The following ERC1 variants were observed in gnomAD, a reference collection of about 807,000 sequenced individuals.
ERC1 encodes ELKS/RAB6-interacting/CAST family member 1, also known as RAB6 interacting protein 2.
Under a neutral mutation model 132.0 loss-of-function variants are expected in ERC1, and 56 were observed. That is an observed-to-expected ratio of 0.42 (90% confidence interval 0.34 to 0.53). The LOEUF (loss-of-function observed/expected upper bound fraction) is 0.53, where lower values mean the gene tolerates loss of function less well. Ranked by LOEUF, ERC1 falls within the 20% of genes least tolerant of loss-of-function variation. The probability of loss-of-function intolerance (pLI) is 0.03; values close to 1 mark genes in which losing one functional copy is unlikely to be tolerated. For synonymous variants in ERC1, 478 were observed against 476.1 expected (o/e 1.00, Z -0.05); for missense variants, 1,202 against 1,349.9 (o/e 0.89, Z 1.72).
intron 17 of ERC1, among the ~76,000 whole-genome samples, chr12:1,425,224 G>A (rs760923371): frequency 2.6e-5 from 4 of 152,142 alleles, no homozygotes; most frequent in African/African-American, 4.8e-5. Context: ...CATAATTTTA[G>A]TAGGCACTTA....
intron 2 of ERC1, among the ~76,000 whole-genome samples, chr12:1,041,345 C>T (rs1035984598): frequency 6.6e-6 from 1 of 151,970 alleles, no homozygotes; most frequent in Non-Finnish European, 1.5e-5. Context: ...GTAGGTGGGA[C>T]TACAGGCATC....
At chr12:1,237,695 C>A (rs1313153359) in intron 13 of ERC1, among the ~76,000 whole-genome samples, 1 of 152,240 alleles carries the variant, frequency 6.6e-6, no homozygotes, top group Admixed American at 6.5e-5. Context: ...ATGATTTTAA[C>A]TGGGACTTCC....
intron 2 of ERC1, among the ~76,000 whole-genome samples, chr12:1,074,500 G>A (rs569179403): frequency 6.6e-6 from 1 of 151,796 alleles, no homozygotes; most frequent in African/African-American, 2.4e-5. Context: ...TCACCATGTT[G>A]GTCAAACTGG....
chr12:1,215,690 C>T (rs947563052), intron 12 of ERC1, among the ~76,000 whole-genome samples: 35 of 152,152 alleles, frequency 2.3e-4, no homozygotes, highest in Non-Finnish European at 4.9e-4. Context: ...CTTCTTCTTG[C>T]AGAATGAGTG....
intron 15 of ERC1, among the ~76,000 whole-genome samples, chr12:1,350,141 A>G (rs2084870555): frequency 6.6e-6 from 1 of 152,202 alleles, no homozygotes; most frequent in African/African-American, 2.4e-5. Flanking sequence ...GAAAAACAGA[A>G]AACAATGGAG....
intron 8 of ERC1, among the ~76,000 whole-genome samples, chr12:1,161,734 C>CA (rs981188998): frequency 2.6e-5 from 4 of 152,058 alleles, no homozygotes; most frequent in African/African-American, 4.8e-5. Context: ...TAATTCTGTA[C>CA]AAAAAAGCCT....
chr12:1,119,132 G>A (rs929844684), intron 7 of ERC1, among the ~76,000 whole-genome samples: 1 of 152,158 alleles, frequency 6.6e-6, no homozygotes, highest in African/African-American at 2.4e-5. Context: ...TCCTGCCTCT[G>A]CCTCCCAAAG....
chr12:1,096,697 T>A (rs1309733913), intron 3 of ERC1, among the ~76,000 whole-genome samples: 1 of 152,210 alleles, frequency 6.6e-6, no homozygotes, highest in Non-Finnish European at 1.5e-5. Flanking sequence ...TAAGAGATTT[T>A]AAAAACTCTT....
At chr12:1,226,956 C>T (rs538104548) in intron 12 of ERC1, among the ~76,000 whole-genome samples, 2 of 152,308 alleles carry the variant, frequency 1.3e-5, no homozygotes, top group South Asian at 2.1e-4. Flanking sequence ...GGATTACAGG[C>T]GTGAGCCACT....
intron 2 of ERC1, among the ~76,000 whole-genome samples, chr12:1,033,449 T>G (rs6489778): frequency 0.95 from 144,435 of 151,806 alleles, 69,086 homozygotes; most frequent in East Asian, 1. Flanking sequence ...GGGATCACAG[T>G]CATGAGCCAC....
intron 7 of ERC1, among the ~76,000 whole-genome samples, chr12:1,130,371 A>G (rs755342076): frequency 1.3e-5 from 2 of 152,064 alleles, no homozygotes; most frequent in South Asian, 4.2e-4. Flanking sequence ...GGCTTTGTTG[A>G]TCTTAGTTCT....
rs551141721 is a variant in ERC1, at chr12:1,468,662, AGAAAG to A, written c.3214-21425_3214-21421del. ...AAAGGAGGAAGAAAGAAAGGAGAAAAGAAAGGAAAGAAAGAGCCTGCAGGCTCTCA... is the reference window on the plus strand; with the variant it reads ...AAAGGAGGAAGAAAGAAAGGAGAAAAGAAAGAAAGAGCCTGCAGGCTCTCA... On this transcript the variant is annotated intron_variant, in intron 18 of 18. Coordinates refer to ENST00000360905, the MANE Select transcript of ERC1 (RefSeq NM_178040.4). Among the ~76,000 whole-genome samples, 736 of 152,188 alleles carry A rather than the reference AGAAAG, an allele frequency of 4.8e-3. 6 individuals are homozygous for A. Among genetic ancestry groups the A allele is most frequent in the African/African-American group, 0.017 (711 of 41,532 alleles).
chr12:1,350,753 G>A (rs1303163482), intron 15 of ERC1, among the ~76,000 whole-genome samples: 2 of 152,196 alleles, frequency 1.3e-5, no homozygotes, highest in Non-Finnish European at 2.9e-5. Context: ...AATTTATAAT[G>A]TAACAAGGTT....
chr12:1,014,276 A>G (rs904564057), intron 1 of ERC1, among the ~76,000 whole-genome samples: 1 of 152,090 alleles, frequency 6.6e-6, no homozygotes, highest in Non-Finnish European at 1.5e-5. Flanking sequence ...CTGGAGTTCA[A>G]GCAATTCTTA....
intron 8 of ERC1, among the ~76,000 whole-genome samples, chr12:1,165,224 A>G (rs1387341895): frequency 1.3e-5 from 2 of 152,186 alleles, no homozygotes; most frequent in African/African-American, 2.4e-5. Flanking sequence ...TGTATTAGTG[A>G]TCTAACAAGA....
At chr12:1,063,451 G>A (rs1938452203) in intron 2 of ERC1, among the ~76,000 whole-genome samples, 1 of 152,068 alleles carries the variant, frequency 6.6e-6, no homozygotes, top group South Asian at 2.1e-4. Context: ...AGTAGAGACG[G>A]GGTTTTCACC....
chr12:1,434,176 A>G (rs1257012919), intron 17 of ERC1, among the ~76,000 whole-genome samples: 2 of 152,084 alleles, frequency 1.3e-5, no homozygotes, highest in African/African-American at 2.4e-5. Flanking sequence ...CACCCGTAAT[A>G]TATTAGATTC....
chr12:1,341,656 T>C (rs1356199558), intron 15 of ERC1, among the ~76,000 whole-genome samples: 2 of 122,174 alleles, frequency 1.6e-5, no homozygotes, highest in Admixed American at 2.0e-4. Context: ...CACTGGGGCC[T>C]GTCATGGGGT....
At chr12:1,178,935 G>T (rs1593996486) in intron 8 of ERC1, among the ~76,000 whole-genome samples, 2 of 152,098 alleles carry the variant, frequency 1.3e-5, no homozygotes, top group East Asian at 3.9e-4. Flanking sequence ...GATCTATGGT[G>T]GGAATTTGAA....
Sources: allele counts gnomAD v4.1 joint callset (sites outside exome capture counted in the v4.1 genomes callset), GRCh38; gene constraint gnomAD v4.1.1; transcripts MANE v1.5; gene names NCBI Gene and HGNC (gene_info 2026-07-23, HGNC 2026-07-21).